MTRFR: variants seen among roughly 807,000 people sequenced by gnomAD.
The protein encoded by MTRFR is probable peptide chain release factor C12orf65, mitochondrial.
Under a neutral mutation model 11.9 loss-of-function variants are expected in MTRFR, and 10 were observed. The ratio of observed to expected loss-of-function variants is 0.84; its 90% CI spans 0.52 to 1.42. MTRFR has a LOEUF of 1.42. Among genes scored for constraint, MTRFR ranks in the 40% most tolerant of loss-of-function variants. The probability of loss-of-function intolerance (pLI) is 0.00; values close to 1 mark genes in which losing one functional copy is unlikely to be tolerated. For missense variants in MTRFR, 196 were observed against 197.9 expected, an observed-to-expected ratio of 0.99 and a Z score of 0.06; for synonymous variants, 77 against 79.1, an observed-to-expected ratio of 0.97 and a Z score of 0.14.
At chr12:123,240,039 C>T (rs1030495621) in intron 1 of MTRFR, among the ~76,000 whole-genome samples, 1 of 151,836 alleles carries the variant, frequency 6.6e-6, no homozygotes, top group Non-Finnish European at 1.5e-5. Context: ...CCTGGACCAG[C>T]AGCAACAGCC....
At chr12:123,244,987 G>A (rs1252724075) in intron 1 of MTRFR, among the ~76,000 whole-genome samples, 2 of 125,824 alleles carry the variant, frequency 1.6e-5, no homozygotes, top group African/African-American at 3.2e-5. Context: ...TTGTCACCCA[G>A]GCAAGAGTGC....
At chr12:123,245,286 TTATAG>T (rs573692913) in intron 1 of MTRFR, among the ~76,000 whole-genome samples, 92 of 152,310 alleles carry the variant, frequency 6.0e-4, no homozygotes, top group African/African-American at 1.8e-3. Context: ...GACTATGGCC[TTATAG>T]TATAGTTTGA....
At chr12:123,248,368 C>G (rs1183966011) in intron 1 of MTRFR, 1 of 152,396 alleles carries the variant, frequency 6.6e-6, no homozygotes, top group Non-Finnish European at 1.5e-5. Flanking sequence ...TATAGGTTAC[C>G]TGGTGCTTCT....
chr12:123,249,905 G>T (rs887522203), intron 1 of MTRFR: 1 of 152,070 alleles, frequency 6.6e-6, no homozygotes. Context: ...TGTGCTTCTC[G>T]TATTTGGATG....
chr12:123,252,534 T>C (rs1394938184), intron 1 of MTRFR: 1 of 150,908 alleles, frequency 6.6e-6, no homozygotes, highest in Non-Finnish European at 1.5e-5. Flanking sequence ...CACATTCAAA[T>C]CCATGAAACT....
intron 1 of MTRFR, chr12:123,251,716 G>A (rs1024106193): frequency 2.9e-5 from 5 of 174,386 alleles, no homozygotes; most frequent in Non-Finnish European, 5.8e-5. Flanking sequence ...GGAGCAATCC[G>A]CTTCCTTCAG....
chr12:123,238,876 T>C (rs2047889836), intron 1 of MTRFR, among the ~76,000 whole-genome samples: 1 of 152,146 alleles, frequency 6.6e-6, no homozygotes, highest in African/African-American at 2.4e-5. Flanking sequence ...TCCCATAAAG[T>C]AGCCACCAGC....
intron 1 of MTRFR, chr12:123,240,766 C>T (rs1317935092): frequency 8.0e-6 from 1 of 124,808 alleles, no homozygotes; most frequent in African/African-American, 3.0e-5. Context: ...AAAAGTCTCA[C>T]TCTGTACCCC....
intron 1 of MTRFR, among the ~76,000 whole-genome samples, chr12:123,244,389 G>A (rs535580961): frequency 6.6e-6 from 1 of 152,162 alleles, no homozygotes; most frequent in African/African-American, 2.4e-5. Context: ...CCAAGATCGC[G>A]CCATCGCACT....
At chr12:123,247,050 A>T (rs889414191) in intron 1 of MTRFR, among the ~76,000 whole-genome samples, 1 of 151,904 alleles carries the variant, frequency 6.6e-6, no homozygotes, top group Non-Finnish European at 1.5e-5. Flanking sequence ...TCTTAAATTT[A>T]TTGAGGCTCA....
At chr12:123,253,236 C>T (rs939426305) in intron 1 of MTRFR, among the ~76,000 whole-genome samples, 2 of 151,414 alleles carry the variant, frequency 1.3e-5, no homozygotes, top group African/African-American at 4.9e-5. Flanking sequence ...GAGATAGTTT[C>T]ATCATCTTGG....
intron 2 of MTRFR, among the ~76,000 whole-genome samples, chr12:123,256,568 C>T (rs1168270430): frequency 1.3e-5 from 2 of 151,844 alleles, no homozygotes; most frequent in African/African-American, 4.8e-5. Context: ...TGGTGGCGTG[C>T]GCCTATAATC....
chr12:123,249,114 A>G (rs1388404081), intron 1 of MTRFR: 1 of 152,030 alleles, frequency 6.6e-6, no homozygotes, highest in East Asian at 1.9e-4. Context: ...GCATTTACAA[A>G]CCTTGAGCTA....
At chr12:123,246,671 T>C (rs2048044746) in intron 1 of MTRFR, among the ~76,000 whole-genome samples, 1 of 150,754 alleles carries the variant, frequency 6.6e-6, no homozygotes, top group African/African-American at 2.4e-5. Flanking sequence ...TCCAGTTTTA[T>C]TCCACTGTGG....
intron 1 of MTRFR, among the ~76,000 whole-genome samples, chr12:123,252,946 T>C (rs1419048930): frequency 1.3e-5 from 2 of 152,086 alleles, no homozygotes; most frequent in East Asian, 3.8e-4. Context: ...TAGACTCTCA[T>C]ACTGTCATCT....
intron 1 of MTRFR, among the ~76,000 whole-genome samples, chr12:123,243,326 C>T (rs1593277553): frequency 6.6e-6 from 1 of 151,616 alleles, no homozygotes; most frequent in African/African-American, 2.4e-5. Context: ...GTCAGGAAAT[C>T]GAGAACAGCC....
chr12:123,246,354 T>C (rs1430554914), intron 1 of MTRFR, among the ~76,000 whole-genome samples: 1 of 152,190 alleles, frequency 6.6e-6, no homozygotes, highest in Non-Finnish European at 1.5e-5. Context: ...TTGAAGAATT[T>C]TTTAATTTCC....
At chr12:123,240,353 AAAAG>A (rs1361758144) in intron 1 of MTRFR, among the ~76,000 whole-genome samples, 1 of 151,890 alleles carries the variant, frequency 6.6e-6, no homozygotes, top group African/African-American at 2.4e-5. Flanking sequence ...GTCTAAAAAA[AAAAG>A]AAGAAGAAAT....
chr12:123,241,441 A>T (rs2047935781), intron 1 of MTRFR, among the ~76,000 whole-genome samples: 1 of 151,910 alleles, frequency 6.6e-6, no homozygotes, highest in South Asian at 2.1e-4. Context: ...GGGTTCAAGC[A>T]ATTCTCCTGC....
Sources: gnomAD v4.1 joint callset for allele counts (sites outside exome capture counted in the v4.1 genomes callset) on GRCh38, gnomAD v4.1.1 for gene constraint, MANE v1.5 for transcripts, NCBI Gene and HGNC (gene_info 2026-07-23, HGNC 2026-07-21) for gene names.